CNTN1: variants seen among roughly 807,000 people sequenced by gnomAD.
CNTN1 encodes contactin 1.
CNTN1 carries 38 observed loss-of-function variants against 126.4 expected under a neutral mutation model. The observed-to-expected ratio is 0.30, with a 90% CI of 0.23 to 0.39. The LOEUF is 0.39. CNTN1 is among the 10% of genes least tolerant of loss of function. CNTN1 has a pLI of 1.00. For missense variants in CNTN1, 1,009 were observed against 1,248.4 expected (o/e 0.81, Z 2.89); for synonymous variants, 413 against 422.6 (o/e 0.98, Z 0.28).
intron 1 of CNTN1, among the ~76,000 whole-genome samples, chr12:40,830,495 AG>A (rs1941773102): frequency 1.3e-5 from 2 of 151,832 alleles, no homozygotes; most frequent in Admixed American, 1.3e-4. Context: ...AGATTTTGAA[AG>A]AAAAATGTAC....
At chr12:40,697,207 G>A (rs748103784) in intron 1 of CNTN1, among the ~76,000 whole-genome samples, 39 of 152,158 alleles carry the variant, frequency 2.6e-4, no homozygotes, top group Non-Finnish European at 3.4e-4. Flanking sequence ...CCCCCAAAAT[G>A]TAAGCACAGA....
chr12:40,749,335 A>C (rs1395310244), intron 1 of CNTN1, among the ~76,000 whole-genome samples: 1 of 152,092 alleles, frequency 6.6e-6, no homozygotes, highest in Non-Finnish European at 1.5e-5. Context: ...TTAACACACC[A>C]CAATTCACTG....
chr12:40,961,088 A>G (rs1276697564), intron 15 of CNTN1, among the ~76,000 whole-genome samples: 2 of 152,012 alleles, frequency 1.3e-5, no homozygotes, highest in Non-Finnish European at 2.9e-5. Flanking sequence ...CACTATATGT[A>G]TTTTTATAGA....
chr12:41,065,359 T>C (rs1950027077), intron 23 of CNTN1, among the ~76,000 whole-genome samples: 1 of 152,014 alleles, frequency 6.6e-6, no homozygotes. Context: ...CCGGCCTCAT[T>C]GCTTGCTTTA....
At chr12:40,783,216 AT>A (rs1306170641) in intron 1 of CNTN1, among the ~76,000 whole-genome samples, 1 of 144,204 alleles carries the variant, frequency 6.9e-6, no homozygotes, top group Non-Finnish European at 1.6e-5. Flanking sequence ...TTTATTAAAG[AT>A]TTTAGAGTGG....
chr12:40,839,355 A>G (rs1431518256), intron 1 of CNTN1, among the ~76,000 whole-genome samples: 1 of 152,086 alleles, frequency 6.6e-6, no homozygotes, highest in Non-Finnish European at 1.5e-5. Context: ...AAGATTAGAA[A>G]CTGTTTAACG....
intron 1 of CNTN1, among the ~76,000 whole-genome samples, chr12:40,801,016 T>TTG (rs1325990632): frequency 1.5e-5 from 2 of 130,120 alleles, no homozygotes; most frequent in Non-Finnish European, 3.5e-5. Flanking sequence ...TAGAGTTTTG[T>TTG]TTTTTTTTTT....
chr12:41,052,163 C>T (rs962043557), intron 23 of CNTN1, among the ~76,000 whole-genome samples: 4 of 152,086 alleles, frequency 2.6e-5, no homozygotes, highest in African/African-American at 9.7e-5. Flanking sequence ...GTTTATATCC[C>T]GGATATCTGC....
chr12:40,760,338 C>G (rs561218321), intron 1 of CNTN1, among the ~76,000 whole-genome samples: 43 of 152,096 alleles, frequency 2.8e-4, no homozygotes, highest in Non-Finnish European at 5.6e-4. Context: ...CAAGAGATGA[C>G]TATATATCAA....
At chr12:40,766,916 G>A (rs944799077) in intron 1 of CNTN1, among the ~76,000 whole-genome samples, 2 of 152,116 alleles carry the variant, frequency 1.3e-5, no homozygotes, top group African/African-American at 4.8e-5. Context: ...GCCTGTGGGA[G>A]ATGTTGAATT....
chr12:40,707,153 G>A (rs188358887), intron 1 of CNTN1, among the ~76,000 whole-genome samples: 295 of 150,898 alleles, frequency 2.0e-3, no homozygotes, highest in Non-Finnish European at 3.4e-3. Context: ...CAATGCCAGA[G>A]CCATCACCAT....
chr12:41,064,849 G>T (rs1950016501), intron 23 of CNTN1, among the ~76,000 whole-genome samples: 1 of 152,004 alleles, frequency 6.6e-6, no homozygotes. Flanking sequence ...AAGGAAAAAG[G>T]TTTAATTTTT....
intron 3 of CNTN1, among the ~76,000 whole-genome samples, chr12:40,917,239 A>G (rs1385763121): frequency 6.6e-6 from 1 of 152,108 alleles, no homozygotes; most frequent in Non-Finnish European, 1.5e-5. Context: ...CATAAGAAAC[A>G]TAAACAAAAT....
At chr12:40,868,695 G>T (rs1053800374) in intron 1 of CNTN1, among the ~76,000 whole-genome samples, 3 of 152,020 alleles carry the variant, frequency 2.0e-5, no homozygotes, top group Admixed American at 2.0e-4. Context: ...TTGATCCTGT[G>T]GCTGATTGTA....
intron 15 of CNTN1, among the ~76,000 whole-genome samples, chr12:40,969,454 C>T (rs11179237): frequency 0.12 from 17,844 of 152,114 alleles, 1,098 homozygotes; most frequent in Non-Finnish European, 0.12. Flanking sequence ...CTGCAACTGA[C>T]GCTTAGCTAG....
chr12:40,750,802 C>T (rs1322096988), intron 1 of CNTN1, among the ~76,000 whole-genome samples: 1 of 151,980 alleles, frequency 6.6e-6, no homozygotes, highest in Non-Finnish European at 1.5e-5. Context: ...TGTTTGAGAT[C>T]CTCTGGTCAT....
chr12:40,994,665 T>C (rs1224982652), intron 17 of CNTN1, among the ~76,000 whole-genome samples: 1 of 152,116 alleles, frequency 6.6e-6, no homozygotes, highest in Non-Finnish European at 1.5e-5. Flanking sequence ...ATCTGTCTCC[T>C]ATAAAGCTTC....
chr12:41,012,785 C>A (rs946233449), intron 17 of CNTN1, among the ~76,000 whole-genome samples: 23 of 152,258 alleles, frequency 1.5e-4, no homozygotes, highest in African/African-American at 5.3e-4. Flanking sequence ...CCAATAGCCT[C>A]TGAATGAAAG....
chr12:40,755,410 TTGA>T (rs1938568521), intron 1 of CNTN1, among the ~76,000 whole-genome samples: 1 of 111,884 alleles, frequency 8.9e-6, no homozygotes, highest in South Asian at 3.6e-4. Flanking sequence ...TTGGAAAACA[TTGA>T]TGATACAAGA....
Sources: allele counts gnomAD v4.1 joint callset (sites outside exome capture counted in the v4.1 genomes callset), GRCh38; gene constraint gnomAD v4.1.1; transcripts MANE v1.5; gene names NCBI Gene and HGNC (gene_info 2026-07-23, HGNC 2026-07-21).